Variants in STARD9 observed in about 807,000 individuals in gnomAD.
STARD9 encodes stAR-related lipid transfer protein 9.
A neutral mutation model predicts 399.8 loss-of-function variants in STARD9; 346 were observed. That is an observed-to-expected ratio of 0.87 (90% CI 0.79 to 0.95). The LOEUF is 0.95. Ranked by LOEUF, STARD9 falls within the 40% of genes least tolerant of loss-of-function variation. The pLI is 0.00. For synonymous variants in STARD9, 2,203 were observed against 2,143.5 expected (o/e 1.03, Z -0.77); for missense variants, 5,832 against 5,667.5 (o/e 1.03, Z -0.93).
At chr15:42,680,236 T>C (rs1213181420) in intron 20 of STARD9, among the ~76,000 whole-genome samples, 2 of 152,168 alleles carry the variant, frequency 1.3e-5, no homozygotes, top group African/African-American at 2.4e-5. Flanking sequence ...CTGTCAGTTT[T>C]CAGAGTAAGC....
Position 42,687,246 on chromosome 15 carries a change from A to T in STARD9, c.5668A>T (p.Thr1890Ser), listed in dbSNP as rs1325359329. 3 of 1,537,034 alleles carry T rather than the reference A, an allele frequency of 2.0e-6. No homozygotes were observed. The highest frequency in any genetic ancestry group is 1.7e-4 in the Middle Eastern group (1 of 6,014). The part of the protein sequence containing the change: ...SFPALEGGEV[T>S]AQSCCGASSD... Reference sequence around the variant, plus strand: ...TCCAGCACTTGAGGGAGGAGAGGTCACTGCTCAGTCCTGTTGCGGTGCTTC... The same window carrying T: ...TCCAGCACTTGAGGGAGGAGAGGTCTCTGCTCAGTCCTGTTGCGGTGCTTC... The change falls in exon 23 of 33, where the codon ACT becomes TCT. Residue 1890 changes from threonine to serine, a missense_variant. Coordinates refer to ENST00000290607, the MANE Select transcript of STARD9 (RefSeq NM_020759.3).
At position 42,719,673 on chromosome 15, in the gene STARD9, A is replaced by G. The variant is rs1014417225; in HGVS notation, c.*99A>G. ...GTTACTTTCCATACCACAGTGCAGG[A>G]AAAGCTGATGCTACCTGCTGTGGCC... is the stretch of plus-strand genomic sequence containing the variant. On this transcript the variant is annotated 3_prime_UTR_variant, in exon 33 of 33. Coordinates refer to ENST00000290607, the MANE Select transcript of STARD9 (RefSeq NM_020759.3). 4 of 782,130 alleles carry G rather than the reference A, an allele frequency of 5.1e-6. No individual in the cohort carries two copies. In the Admixed American group the frequency reaches 9.8e-5, roughly 19 times the overall value. 48.4% of individuals were successfully genotyped at this position (782,130 alleles called of 1,614,324 possible).
At position 42,687,340 on chromosome 15, in the gene STARD9, T is replaced by A. The variant is rs1047824692; in HGVS notation, c.5762T>A (p.Leu1921Gln). 2.6e-6 allele frequency: 4 copies of A among 1,536,630 alleles called. No homozygotes were observed. The highest frequency in any genetic ancestry group is 3.5e-6 in the Non-Finnish European group (4 of 1,146,922). The change falls in exon 23 of 33, where the codon CTG becomes CAG. Residue 1921 changes from leucine to glutamine, a missense_variant. Physicochemically the swap from Leu to Gln is moderately radical, Grantham distance 113. Coordinates refer to ENST00000290607, the MANE Select transcript of STARD9 (RefSeq NM_020759.3). ...TCTGAGGCACGAGAGGAAGAAGAGC[T>A]GGATCAGAATACGGTTCTGAGGCAG... is the stretch of plus-strand genomic sequence containing the variant. ...RESEAREEEELDQNTVLRQTI... is the reference protein window; with the variant it reads ...RESEAREEEEQDQNTVLRQTI...
chr15:42,715,668 C>T (rs549205522), intron 26 of STARD9, among the ~76,000 whole-genome samples: 8 of 152,042 alleles, frequency 5.3e-5, no homozygotes, highest in Admixed American at 2.6e-4. Context: ...CCACCACGCC[C>T]GGCTAATTTT....
intron 3 of STARD9, among the ~76,000 whole-genome samples, chr15:42,626,273 C>CTCT (rs1385318119): frequency 2.0e-5 from 3 of 146,720 alleles, no homozygotes; most frequent in Non-Finnish European, 4.5e-5. Context: ...CCTCTTCCTC[C>CTCT]TCCTCTTCCT....
intron 7 of STARD9, among the ~76,000 whole-genome samples, chr15:42,646,694 A>T (rs1322670191): frequency 6.6e-6 from 1 of 152,216 alleles, no homozygotes; most frequent in Non-Finnish European, 1.5e-5. Flanking sequence ...CTTATCGTTC[A>T]TGTGTTCACG....
At chr15:42,627,378 G>A (rs1469096469) in intron 3 of STARD9, among the ~76,000 whole-genome samples, 1 of 152,162 alleles carries the variant, frequency 6.6e-6, no homozygotes, top group East Asian at 1.9e-4. Context: ...GGCATACAAT[G>A]CGTAGTACTC....
chr15:42,675,813 A>C, intron 19 of STARD9, 59 bp from the exon 20 acceptor site: 5 of 1,534,308 alleles, frequency 3.3e-6, no homozygotes, highest in Non-Finnish European at 4.4e-6. Flanking sequence ...ATGAAAAGCC[A>C]AGCTGGGAGA....
chr15:42,610,943 C>T (rs1030152293), intron 3 of STARD9, among the ~76,000 whole-genome samples: 1 of 152,068 alleles, frequency 6.6e-6, no homozygotes, highest in Non-Finnish European at 1.5e-5. Context: ...GAAAATGGGT[C>T]GAGGTGATCT....
At chr15:42,694,927 T>C (rs1339444243) in intron 24 of STARD9, among the ~76,000 whole-genome samples, 1 of 152,162 alleles carries the variant, frequency 6.6e-6, no homozygotes, top group Non-Finnish European at 1.5e-5. Context: ...GGCTCTGACA[T>C]GCTATGCAAG....
Position 42,585,633 on chromosome 15 carries a change from A to G in STARD9, c.230A>G (p.Asp77Gly). Reference protein sequence around the residue: ...NPEDPQYASQDVVFQDLGMEV... With the variant: ...NPEDPQYASQGVVFQDLGMEV... Reference sequence around the variant, plus strand: ...GAGGATCCCCAGTATGCATCTCAAGATGTGGTAATATCATTTATCATTTTT... The same window carrying G: ...GAGGATCCCCAGTATGCATCTCAAGGTGTGGTAATATCATTTATCATTTTT... The change falls in exon 3 of 33, where the codon GAT becomes GGT. Residue 77 changes from aspartate (D) to glycine (G), a missense_variant. Physicochemically the swap from Asp to Gly is moderately conservative, Grantham distance 94. Transcript: ENST00000290607. 1 of 1,509,716 alleles carries G rather than the reference A, an allele frequency of 6.6e-7. No individual in the cohort carries two copies. Among genetic ancestry groups the G allele is most frequent in the South Asian group, 1.2e-5 (1 of 83,228 alleles). The allele number at this position is 1,509,716 out of a possible 1,614,324, so 93.5% of individuals were successfully genotyped here. A position where few individuals can be genotyped will look rare whatever the true frequency, so the allele number is the denominator to read the frequency against.
Position 42,682,307 on chromosome 15 carries a change from C to T in STARD9, c.2269C>T (p.Arg757Trp), listed in dbSNP as rs780860752. ...HLQLLRRHTL[R>W]AAERNVRRKK... ...GCAGCTCCTGCGGAGACACACTCTTCGGGCAGCAGAGCGGAATGTCCGGCG... is the reference window on the plus strand; with the variant it reads ...GCAGCTCCTGCGGAGACACACTCTTTGGGCAGCAGAGCGGAATGTCCGGCG... The change falls in exon 22 of 33, where the codon CGG (arginine) becomes TGG (tryptophan). Residue 757 changes from arginine (R) to tryptophan (W), a missense_variant. This residue lies in a region of STARD9 where 5,828 missense variants were observed against 5,651.1 expected (regional missense o/e 1.03). Transcript: ENST00000290607. The T allele has an allele frequency of 1.9e-5, 29 of 1,537,134 alleles. No individual in the cohort carries two copies. Among genetic ancestry groups the T allele is most frequent in the South Asian group, 5.9e-5 (5 of 84,066 alleles).
intron 26 of STARD9, among the ~76,000 whole-genome samples, chr15:42,716,054 A>T (rs1595833493): frequency 6.6e-6 from 1 of 152,218 alleles, no homozygotes; most frequent in South Asian, 2.1e-4. Context: ...CAGTAGGTTA[A>T]AGGTGATGAT....
intron 3 of STARD9, among the ~76,000 whole-genome samples, chr15:42,601,340 C>T (rs1183622544): frequency 2.6e-5 from 4 of 152,156 alleles, no homozygotes; most frequent in South Asian, 2.1e-4. Flanking sequence ...TCGACAAAAC[C>T]GCCATCGTCA....
Position 42,663,318 on chromosome 15 carries a change from C to T in STARD9, c.906C>T (p.Leu302=), listed in dbSNP as rs906801155. 6.5e-7 allele frequency: 1 copy of T among 1,537,306 alleles called. No individual in the cohort carries two copies. The highest frequency in any genetic ancestry group is 1.4e-5 in the African/African-American group (1 of 73,154). The change falls in exon 12 of 33, where the codon CTC becomes CTT. Residue 302 remains leucine, a synonymous_variant. Transcript: ENST00000290607. ...NSQVFSSCQS[L]NSSVSNGGDS... ...AAGTTTTCAGCAGCTGCCAGAGCCT[C>T]AACAGCTCAGTCAGCAATGGTGGTG...
At chr15:42,618,909 TC>T (rs2059028598) in intron 3 of STARD9, among the ~76,000 whole-genome samples, 1 of 152,122 alleles carries the variant, frequency 6.6e-6, no homozygotes, top group Admixed American at 6.5e-5. Flanking sequence ...TTTTTTCTTG[TC>T]CCCAGATATT....
intron 25 of STARD9, 134 bp downstream of exon 25, chr15:42,695,457 CA>C: frequency 1.1e-6 from 1 of 893,160 alleles, no homozygotes. Context: ...GTTGTCAACT[CA>C]AAGCTGGGCT....
chr15:42,681,804 AT>A (rs2060435388), intron 21 of STARD9, among the ~76,000 whole-genome samples, 192 bp downstream of exon 21: 1 of 152,016 alleles, frequency 6.6e-6, no homozygotes, highest in African/African-American at 2.4e-5. Context: ...AAGGACGCTA[AT>A]TTCCTTATTG....
chr15:42,594,635 T>G (rs1305182316), intron 3 of STARD9, among the ~76,000 whole-genome samples: 1 of 152,186 alleles, frequency 6.6e-6, no homozygotes, highest in Non-Finnish European at 1.5e-5. Context: ...AGTTAGAAGT[T>G]TTTTTTGTTT....
Sources: gnomAD v4.1 joint callset for allele counts (sites outside exome capture counted in the v4.1 genomes callset) on GRCh38, gnomAD v4.1.1 for gene constraint, gnomAD v4.1.1 regional missense constraint, MANE v1.5 for transcripts, NCBI Gene and HGNC (gene_info 2026-07-23, HGNC 2026-07-21) for gene names.